The following DCAF5 variants were observed in gnomAD, a reference collection of about 807,000 sequenced individuals.
DCAF5 encodes DDB1- and CUL4-associated factor 5.
Under a neutral mutation model 80.7 loss-of-function variants are expected in DCAF5, and 9 were observed. The observed-to-expected ratio is 0.11, with a 90% CI of 0.07 to 0.19. DCAF5 has a LOEUF of 0.19. Among genes scored for constraint, DCAF5 ranks in the 10% least tolerant of loss-of-function variants. The probability of loss-of-function intolerance (pLI) is 1.00; values close to 1 mark genes in which losing one functional copy is unlikely to be tolerated. For missense variants in DCAF5, 842 were observed against 1,205.7 expected (o/e 0.70, Z 4.47); for synonymous variants, 433 against 461.9 (o/e 0.94, Z 0.80).
At chr14:69,072,066 A>C (rs1173201725) in intron 7 of DCAF5, among the ~76,000 whole-genome samples, 1 of 152,214 alleles carries the variant, frequency 6.6e-6, no homozygotes, top group Non-Finnish European at 1.5e-5. Context: ...ATTAAACAAA[A>C]GTCTTCATAT....
intron 1 of DCAF5, among the ~76,000 whole-genome samples, chr14:69,137,954 G>A (rs532769800): frequency 3.3e-5 from 5 of 152,004 alleles, no homozygotes; most frequent in Non-Finnish European, 7.4e-5. Context: ...TATACATAGG[G>A]TTCAGTACCA....
rs1036885935 is a variant in DCAF5 at position 69,055,660 on chromosome 14, T to A, written c.1075-49A>T. Reference sequence around the variant, plus strand: ...AGCAACAAGGAGTAACTGGAAAGTATTCTTTCACTGGTGGTGATAAAGAAC... The same window carrying A: ...AGCAACAAGGAGTAACTGGAAAGTAATCTTTCACTGGTGGTGATAAAGAAC... On this transcript the variant is annotated intron_variant, in intron 8 of 8. Transcript: ENST00000341516. This position sits in a 1 kb window ranked among gnomAD's most constrained non-coding sequence, Gnocchi z 5.6. 1 of 1,535,704 alleles carries A rather than the reference T, an allele frequency of 6.5e-7. No individual in the cohort carries two copies. Among genetic ancestry groups the A allele is most frequent in the African/African-American group, 1.4e-5 (1 of 72,664 alleles).
intron 1 of DCAF5, among the ~76,000 whole-genome samples, chr14:69,146,001 T>C (rs2041526354): frequency 6.6e-6 from 1 of 152,208 alleles, no homozygotes; most frequent in African/African-American, 2.4e-5. Context: ...TATGCATTTG[T>C]GTGACAAGTT....
chr14:69,140,233 C>T (rs1225545242), intron 1 of DCAF5, among the ~76,000 whole-genome samples: 2 of 151,750 alleles, frequency 1.3e-5, no homozygotes, highest in African/African-American at 2.4e-5. Flanking sequence ...CGCCATTGCA[C>T]TCCAGCCTGG....
chr14:69,127,212 C>T (rs752327714), intron 1 of DCAF5, among the ~76,000 whole-genome samples: 11 of 152,192 alleles, frequency 7.2e-5, no homozygotes, highest in Non-Finnish European at 1.3e-4. Context: ...GCTTTATTTA[C>T]AATTGCCAAA....
chr14:69,113,022 CA>C (rs1395973413), intron 5 of DCAF5, among the ~76,000 whole-genome samples: 6 of 151,756 alleles, frequency 4.0e-5, no homozygotes, highest in African/African-American at 1.5e-4. Context: ...TTAGAGCTGA[CA>C]TTTTTTTTTT....
chr14:69,061,792 A>C (rs1471739981), intron 8 of DCAF5, among the ~76,000 whole-genome samples: 1 of 152,212 alleles, frequency 6.6e-6, no homozygotes, highest in Non-Finnish European at 1.5e-5. Flanking sequence ...GGCTTTTGAA[A>C]ATGTTGCAGC....
intron 1 of DCAF5, among the ~76,000 whole-genome samples, chr14:69,140,660 G>A (rs2041340112): frequency 6.6e-6 from 1 of 152,092 alleles, no homozygotes; most frequent in Non-Finnish European, 1.5e-5. Context: ...CAAGTAAACA[G>A]TATAATAAGA....
chr14:69,140,037 A>AG (rs976209175), intron 1 of DCAF5, among the ~76,000 whole-genome samples: 6 of 151,982 alleles, frequency 3.9e-5, no homozygotes, highest in Non-Finnish European at 5.9e-5. Context: ...TGGGAGGACG[A>AG]GGGGGATTGC....
intron 8 of DCAF5, among the ~76,000 whole-genome samples, chr14:69,057,387 A>C (rs1044918313): frequency 2.0e-5 from 3 of 152,010 alleles, no homozygotes; most frequent in African/African-American, 7.2e-5. Flanking sequence ...TCTGAGCCAA[A>C]TCTCTCACCT....
intron 1 of DCAF5, among the ~76,000 whole-genome samples, chr14:69,138,400 G>A (rs746773788): frequency 2.0e-5 from 3 of 152,212 alleles, no homozygotes; most frequent in South Asian, 2.1e-4. Context: ...CAACCAGAGT[G>A]ACAGTTGGCC....
At chr14:69,102,591 G>GACACACACACACACACACACACAC (rs143602483) in intron 5 of DCAF5, among the ~76,000 whole-genome samples, 1,739 of 124,810 alleles carry the variant, frequency 0.014, 50 homozygotes, top group East Asian at 0.093. Flanking sequence ...TAAAAACAAA[G>GACACACACACACACACACACACAC]ACACACACAC....
rs200134644 is a variant in DCAF5 at position 69,058,476 on chromosome 14, G to A, written c.1075-2865C>T. Among the ~76,000 whole-genome samples the A allele has an allele frequency of 2.6e-5, 4 of 151,864 alleles. No individual in the cohort carries two copies. The East Asian group carries it at 5.8e-4, about 22-fold the overall frequency. On this transcript the variant is annotated intron_variant, in intron 8 of 8. Transcript: ENST00000341516. ...AAAGGTTGCAGTGAGCCGAGATCGC[G>A]CCACTGCACTCCAGCTTGGGTGACA...
rs1454654646 is a variant in DCAF5, at chr14:69,051,434, A to G, written c.*2423T>C. On this transcript the variant is annotated 3_prime_UTR_variant, in exon 9 of 9. Coordinates refer to ENST00000341516, the MANE Select transcript of DCAF5 (RefSeq NM_003861.3). ...CTCTGGAGATGAGGGTGGAGCAGCT[A>G]TAAAGCAAGCATTTCTCACCCTGCT... 6.6e-6 allele frequency: 1 copy of G among 152,268 alleles called. No individual in the cohort carries two copies. Among genetic ancestry groups the G allele is most frequent in the Admixed American group, 6.5e-5 (1 of 15,282 alleles). The allele number at this position is 152,268 out of a possible 1,614,324, so 9.4% of individuals were successfully genotyped here.
chr14:69,092,218 T>G (rs2039557838), intron 5 of DCAF5, among the ~76,000 whole-genome samples: 1 of 152,192 alleles, frequency 6.6e-6, no homozygotes, highest in South Asian at 2.1e-4. Context: ...AAAAGCATAC[T>G]CGTCAAGACC....
chr14:69,150,692 C>A (rs2041674025), intron 1 of DCAF5, among the ~76,000 whole-genome samples: 1 of 150,950 alleles, frequency 6.6e-6, no homozygotes, highest in African/African-American at 2.4e-5. Flanking sequence ...TCAAGACTAG[C>A]CTGGGCAACA....
intron 5 of DCAF5, among the ~76,000 whole-genome samples, chr14:69,100,394 C>T (rs1180482086): frequency 2.0e-5 from 3 of 152,138 alleles, no homozygotes; most frequent in African/African-American, 7.2e-5. Context: ...CCATAGGATT[C>T]TGGTACAAAT....
At chr14:69,060,374 C>T (rs2038158812) in intron 8 of DCAF5, among the ~76,000 whole-genome samples, 1 of 152,166 alleles carries the variant, frequency 6.6e-6, no homozygotes, top group Admixed American at 6.5e-5. Flanking sequence ...ATCTCATCAT[C>T]TGTAAAACGA....
intron 1 of DCAF5, among the ~76,000 whole-genome samples, chr14:69,140,727 T>G (rs1439339106): frequency 6.6e-6 from 1 of 152,208 alleles, no homozygotes; most frequent in Non-Finnish European, 1.5e-5. Context: ...GGACCTGGCA[T>G]GTTCATAACG....
Sources: gnomAD v4.1 joint callset for allele counts (sites outside exome capture counted in the v4.1 genomes callset) on GRCh38, gnomAD v4.1.1 for gene constraint, Gnocchi (gnomAD v3.1) non-coding constraint, MANE v1.5 for transcripts, NCBI Gene and HGNC (gene_info 2026-07-23, HGNC 2026-07-21) for gene names.